Variants in KAZN observed in about 807,000 individuals in gnomAD.
The protein encoded by KAZN is kazrin.
A neutral mutation model predicts 87.4 loss-of-function variants in KAZN; 40 were observed. That is an observed-to-expected ratio of 0.46 (90% CI 0.36 to 0.60). The LOEUF is 0.60. Among genes scored for constraint, KAZN ranks in the 20% least tolerant of loss-of-function variants. The pLI is 0.00. For missense variants in KAZN, 898 were observed against 1,073.9 expected (o/e 0.84, Z 2.29); for synonymous variants, 466 against 458.3 (o/e 1.02, Z -0.22).
chr1:14,330,107 T>C (rs1194936655), intron 2 of KAZN, among the ~76,000 whole-genome samples: 2 of 152,158 alleles, frequency 1.3e-5, no homozygotes, highest in East Asian at 1.9e-4. Flanking sequence ...TTCTGCAGTA[T>C]GGAAGCAAAG....
At chr1:14,641,728 C>T (rs887087558) in intron 1 of KAZN, among the ~76,000 whole-genome samples, 3 of 152,200 alleles carry the variant, frequency 2.0e-5, no homozygotes, top group African/African-American at 7.2e-5. Flanking sequence ...ACGAGAAAGG[C>T]GAGGTGTGGC....
intron 2 of KAZN, among the ~76,000 whole-genome samples, chr1:14,974,633 G>A (rs951943958): frequency 3.4e-4 from 51 of 152,190 alleles, no homozygotes; most frequent in African/African-American, 1.1e-3. Flanking sequence ...ATCCTACTCA[G>A]TAATAAAGCA....
intron 2 of KAZN, among the ~76,000 whole-genome samples, chr1:15,011,888 G>T (rs560665773): frequency 3.5e-4 from 53 of 152,190 alleles, no homozygotes; most frequent in Middle Eastern, 6.8e-3. Flanking sequence ...GCGGGTGGTG[G>T]ACGCGGCCAG....
chr1:14,617,150 CAG>C, intron 1 of KAZN, among the ~76,000 whole-genome samples: 1 of 152,340 alleles, frequency 6.6e-6, no homozygotes, highest in East Asian at 1.9e-4. Context: ...GGTCCCATAA[CAG>C]ATGTTTTGCT....
Position 14,621,183 on chromosome 1 carries a change from A to G in KAZN, c.226+21960A>G, listed in dbSNP as rs1000066647. Among the ~76,000 whole-genome samples, 11 of 152,308 alleles carry G rather than the reference A, an allele frequency of 7.2e-5. 1 individual carries two copies. The highest frequency in any genetic ancestry group is 3.4e-3 in the Middle Eastern group (1 of 294). ...AGCAGGGCCACCCAAGGCATTTGTT[A>G]TCTGCTAATGAGGCTAATCAATGGC... On this transcript the variant is annotated intron_variant, in intron 1 of 14. Coordinates refer to ENST00000376030, the MANE Select transcript of KAZN (RefSeq NM_201628.3).
In KAZN at chr1:14,755,087, C is replaced by CA. The variant is rs3032756; in HGVS notation, c.226+155881dup. On this transcript the variant is annotated intron_variant, in intron 1 of 14. Transcript: ENST00000376030. ...AGAAACCCCATCTCTACTAAAAATG[C>CA]AAAAAAAAAAAAAAAAATAGCCAGG... is the stretch of plus-strand genomic sequence containing the variant. 9.3e-3 allele frequency among the ~76,000 whole-genome samples: 1,070 copies of CA among 115,536 alleles called. 16 individuals are homozygous for CA. The highest frequency in any genetic ancestry group is 0.02 in the African/African-American group (589 of 29,010). 75.8% of individuals were successfully genotyped at this position (115,536 alleles called of 152,430 possible).
intron 1 of KAZN, among the ~76,000 whole-genome samples, chr1:14,047,877 GAAA>G (rs377534581): frequency 3.9e-5 from 5 of 127,176 alleles, no homozygotes; most frequent in African/African-American, 1.4e-4. Context: ...AAAGAAAAAA[GAAA>G]AAAAAAAATA....
intron 1 of KAZN, among the ~76,000 whole-genome samples, chr1:14,847,927 C>T (rs999830062): frequency 6.6e-6 from 1 of 152,196 alleles, no homozygotes; most frequent in African/African-American, 2.4e-5. Flanking sequence ...CTGCAGTGAA[C>T]TATGATCAGG....
At chr1:14,127,630 C>T (rs74057278) in intron 1 of KAZN, among the ~76,000 whole-genome samples, 3,930 of 152,246 alleles carry the variant, frequency 0.026, 164 homozygotes, top group African/African-American at 0.089. Flanking sequence ...TAACAGATAA[C>T]ACTCTAAATA....
intron 1 of KAZN, among the ~76,000 whole-genome samples, chr1:14,066,552 G>T (rs1643017080): frequency 6.6e-6 from 1 of 152,114 alleles, no homozygotes; most frequent in Non-Finnish European, 1.5e-5. Flanking sequence ...TCATTTTATG[G>T]TTAGAACATG....
intron 1 of KAZN, among the ~76,000 whole-genome samples, chr1:13,908,524 C>G (rs150699485): frequency 1.6e-3 from 241 of 152,274 alleles, no homozygotes; most frequent in African/African-American, 5.5e-3. Context: ...CTGGTTGTCC[C>G]CAGTTTAAAC....
At chr1:14,326,928 C>G (rs549471111) in intron 2 of KAZN, among the ~76,000 whole-genome samples, 1 of 152,282 alleles carries the variant, frequency 6.6e-6, no homozygotes, top group South Asian at 2.1e-4. Context: ...TTTATAGCCT[C>G]TGGTGCACTC....
At chr1:14,476,314 T>G (rs1668719778) in intron 2 of KAZN, among the ~76,000 whole-genome samples, 1 of 152,226 alleles carries the variant, frequency 6.6e-6, no homozygotes, top group South Asian at 2.1e-4. Flanking sequence ...TCTCAAATAG[T>G]TTTGCAATTT....
At chr1:14,405,635 T>C (rs1663786078) in intron 2 of KAZN, among the ~76,000 whole-genome samples, 1 of 151,616 alleles carries the variant, frequency 6.6e-6, no homozygotes, top group Admixed American at 6.6e-5. Context: ...TGTGTGTGTG[T>C]GTGTGTGTGT....
rs143785947 is a variant in KAZN at position 14,930,493 on chromosome 1, C to T, written c.227-30191C>T. ...CCAGGCTGGGAAGAATGTGGATTTTCGCTCAGTCGGGTCCCATTAGTGTGG... is the reference window on the plus strand; with the variant it reads ...CCAGGCTGGGAAGAATGTGGATTTTTGCTCAGTCGGGTCCCATTAGTGTGG... On this transcript the variant is annotated intron_variant, in intron 1 of 14. Transcript: ENST00000376030. 7.2e-5 allele frequency among the ~76,000 whole-genome samples: 11 copies of T among 152,266 alleles called. 1 individual carries two copies. Among genetic ancestry groups the T allele is most frequent in the African/African-American group, 2.4e-4 (10 of 41,538 alleles).
At chr1:15,076,469 T>C (rs991976853) in intron 8 of KAZN, among the ~76,000 whole-genome samples, 14 of 152,100 alleles carry the variant, frequency 9.2e-5, no homozygotes, top group Non-Finnish European at 1.2e-4. Flanking sequence ...TTTCCCCCTC[T>C]TTGAAATGGA....
chr1:14,388,001 G>C (rs1455188507), intron 2 of KAZN, among the ~76,000 whole-genome samples: 1 of 152,240 alleles, frequency 6.6e-6, no homozygotes, highest in African/African-American at 2.4e-5. Flanking sequence ...TCCAGGTGCG[G>C]GATATAATCT....
At chr1:14,564,808 G>A (rs1275092949) in intron 2 of KAZN, among the ~76,000 whole-genome samples, 11 of 151,804 alleles carry the variant, frequency 7.2e-5, no homozygotes, top group South Asian at 4.2e-4. Context: ...GTGAGACTCC[G>A]TCTCAAAAAA....
At chr1:14,962,014 G>T (rs1378048731) in intron 2 of KAZN, among the ~76,000 whole-genome samples, 1 of 152,232 alleles carries the variant, frequency 6.6e-6, no homozygotes, top group East Asian at 1.9e-4. Flanking sequence ...AGATGCAGAG[G>T]GTTCTGGGAA....
Sources: allele counts gnomAD v4.1 joint callset (sites outside exome capture counted in the v4.1 genomes callset), GRCh38; gene constraint gnomAD v4.1.1; transcripts MANE v1.5; gene names NCBI Gene and HGNC (gene_info 2026-07-23, HGNC 2026-07-21).